Variants in LACC1 observed in about 807,000 individuals in gnomAD.
LACC1 encodes the protein laccase domain multifunctional purine nucleosidase 1.
Under a neutral mutation model 34.8 loss-of-function variants are expected in LACC1, and 25 were observed. That is an observed-to-expected ratio of 0.72 (90% CI 0.52 to 1.00). The LOEUF (loss-of-function observed/expected upper bound fraction) is 1.00, where lower values mean the gene tolerates loss of function less well. Ranked by LOEUF, LACC1 falls within the 50% of genes least tolerant of loss-of-function variation. The pLI is 0.00. For synonymous variants in LACC1, 162 were observed against 168.0 expected (o/e 0.96, Z 0.28); for missense variants, 426 against 511.2 (o/e 0.83, Z 1.61).
intron 4 of LACC1, among the ~76,000 whole-genome samples, chr13:43,886,531 T>G (rs1451133040): frequency 6.6e-6 from 1 of 152,152 alleles, no homozygotes; most frequent in African/African-American, 2.4e-5. Flanking sequence ...ATGTATCCTT[T>G]AAGTGGGAGC....
At chr13:43,890,080 C>T in intron 5 of LACC1, 34 bp from the exon 6 acceptor site, 1 of 1,570,786 alleles carries the variant, frequency 6.4e-7, no homozygotes, top group Non-Finnish European at 8.6e-7. Context: ...GGAAAATAAA[C>T]TCTTGCTCTC....
chr13:43,889,754 A>T (rs1183711356), intron 5 of LACC1, among the ~76,000 whole-genome samples: 1 of 152,234 alleles, frequency 6.6e-6, no homozygotes, highest in African/African-American at 2.4e-5. Flanking sequence ...GGGCCAGATG[A>T]CTAAAAAGCA....
chr13:43,889,359 T>C (rs1955469439), intron 5 of LACC1, among the ~76,000 whole-genome samples: 1 of 152,210 alleles, frequency 6.6e-6, no homozygotes, highest in East Asian at 1.9e-4. Context: ...AAATTATTCT[T>C]ATTATCTAAT....
intron 2 of LACC1, 129 bp downstream of exon 2, chr13:43,881,676 G>A: frequency 1.4e-6 from 1 of 699,090 alleles, no homozygotes; most frequent in African/African-American, 1.8e-5. Context: ...ATTAGCATCA[G>A]TGGCAACACA....
At chr13:43,880,864 ATTAC>A (rs1373819098) in intron 1 of LACC1, 84 bp from the exon 2 acceptor site, 9 of 836,232 alleles carry the variant, frequency 1.1e-5, no homozygotes, top group Non-Finnish European at 1.5e-5. Flanking sequence ...AATCAGTGTA[ATTAC>A]TTCGTTTTTA....
intron 6 of LACC1, among the ~76,000 whole-genome samples, chr13:43,890,551 G>A (rs1213166487): frequency 6.6e-6 from 1 of 152,070 alleles, no homozygotes; most frequent in African/African-American, 2.4e-5. Context: ...TAATTAGGCA[G>A]GCTTATGTTA....
rs372075969 is a variant in LACC1 at position 43,881,072 on chromosome 13, T to A, written c.87T>A (p.Asn29Lys). 8 of 1,614,084 alleles carry A rather than the reference T, an allele frequency of 5.0e-6. No homozygotes were observed. In the African/African-American group the frequency reaches 9.3e-5, roughly 19 times the overall value. Residue 29 changes from asparagine (N) to lysine (K), a missense_variant, in exon 2 of 7, where the codon AAT (asparagine) becomes AAA (lysine). By Grantham distance (94) the Asn-to-Lys change is moderately conservative. Around this residue, in one of 2 missense-constraint regions of LACC1, gnomAD observed 217 missense variants for 210.9 expected, o/e 1.03. Transcript: ENST00000325686. ...NCHQTLLKTL[N>K]AVQYHHAAKA... Reference sequence around the variant, plus strand: ...ATCAGACATTACTGAAGACTTTGAATGCTGTCCAATACCACCATGCTGCCA... The same window carrying A: ...ATCAGACATTACTGAAGACTTTGAAAGCTGTCCAATACCACCATGCTGCCA...
At chr13:43,889,146 G>C (rs1423558643) in intron 5 of LACC1, among the ~76,000 whole-genome samples, 164 bp downstream of exon 5, 2 of 152,128 alleles carry the variant, frequency 1.3e-5, no homozygotes, top group African/African-American at 4.8e-5. Context: ...TATGAAATCT[G>C]TTTTCATTTG....
intron 3 of LACC1, 84 bp from the exon 4 acceptor site, chr13:43,883,687 T>C: frequency 1.0e-6 from 1 of 994,384 alleles, no homozygotes; most frequent in Non-Finnish European, 1.4e-6. Flanking sequence ...TATAATTTTA[T>C]ACTACAATGA....
At chr13:43,885,999 A>C (rs1315224229) in intron 4 of LACC1, among the ~76,000 whole-genome samples, 1 of 152,228 alleles carries the variant, frequency 6.6e-6, no homozygotes, top group Non-Finnish European at 1.5e-5. Flanking sequence ...AAGCATATGA[A>C]AAAACGCTTG....
At chr13:43,880,521 C>G (rs755263609) in intron 1 of LACC1, among the ~76,000 whole-genome samples, 1 of 152,186 alleles carries the variant, frequency 6.6e-6, no homozygotes, top group East Asian at 1.9e-4. Context: ...GCGAATTTCG[C>G]GTGCAGCTCC....
At chr13:43,885,418 A>G (rs1320237509) in intron 4 of LACC1, among the ~76,000 whole-genome samples, 1 of 152,188 alleles carries the variant, frequency 6.6e-6, no homozygotes, top group Non-Finnish European at 1.5e-5. Context: ...CACATAGGCC[A>G]ATAGAACAGG....
intron 4 of LACC1, among the ~76,000 whole-genome samples, chr13:43,885,881 ACT>A (rs1955296946): frequency 6.6e-6 from 1 of 152,214 alleles, no homozygotes; most frequent in Non-Finnish European, 1.5e-5. Context: ...TAACACCGAG[ACT>A]CTATAAGGAA....
intron 1 of LACC1, among the ~76,000 whole-genome samples, chr13:43,880,605 GAT>G (rs1954963991): frequency 6.6e-6 from 1 of 152,218 alleles, no homozygotes; most frequent in Admixed American, 6.5e-5. Flanking sequence ...CAGGACTAAT[GAT>G]ATATCACACA....
Position 43,890,165 on chromosome 13 carries a change from C to T in LACC1, c.1185C>T (p.Asn395=). Residue 395 remains asparagine (N), a synonymous_variant, in exon 6 of 7, where the codon AAC becomes AAT. Transcript: ENST00000325686. The part of the protein sequence containing the change: ...GILPQNIQDQ[N]QDLNLCTSCH... ...TTCCACAGAATATTCAGGACCAGAACCAAGATCTCAACCTCTGTACATCTT... is the reference window on the plus strand; with the variant it reads ...TTCCACAGAATATTCAGGACCAGAATCAAGATCTCAACCTCTGTACATCTT... The T allele has an allele frequency of 1.2e-6, 2 of 1,613,494 alleles. No individual in the cohort carries two copies. Among genetic ancestry groups the T allele is most frequent in the Non-Finnish European group, 1.7e-6 (2 of 1,179,624 alleles).
chr13:43,881,159 A>C lies in LACC1; in HGVS notation c.174A>C (p.Gln58His), dbSNP rs1471505135. 2 of 1,614,214 alleles carry C rather than the reference A, an allele frequency of 1.2e-6. No individual in the cohort carries two copies. Among genetic ancestry groups the C allele is most frequent in the Non-Finnish European group, 8.5e-7 (1 of 1,180,024 alleles). Reference sequence around the variant, plus strand: ...TCAGCTATGAAAGGGATGGAGAACAAGATAATTGTGAAATAGAAACAAGCA... The same window carrying C: ...TCAGCTATGAAAGGGATGGAGAACACGATAATTGTGAAATAGAAACAAGCA... The part of the protein sequence containing the change: ...SNISYERDGE[Q>H]DNCEIETSNG... The change falls in exon 2 of 7, where the codon CAA becomes CAC. Residue 58 changes from glutamine to histidine, a missense_variant. Transcript: ENST00000325686.
chr13:43,884,820 A>G (rs1362012973), intron 4 of LACC1, among the ~76,000 whole-genome samples: 5 of 152,212 alleles, frequency 3.3e-5, no homozygotes, highest in African/African-American at 1.2e-4. Flanking sequence ...TTGAATGAGT[A>G]GAAGTCAGGT....
intron 4 of LACC1, among the ~76,000 whole-genome samples, chr13:43,886,102 A>G (rs1955309000): frequency 6.6e-6 from 1 of 152,178 alleles, no homozygotes; most frequent in African/African-American, 2.4e-5. Flanking sequence ...AAGTCAAAAA[A>G]CAACAGATGT....
In LACC1 at chr13:43,882,289, G is replaced by A. The variant is rs994226104; in HGVS notation, c.667G>A (p.Val223Ile). ...FSSSKRRDPK[V>I]VVQENLRRLA... ...TAGTTCCAAACGGAGAGATCCCAAG[G>A]TAGTGGTTCAAGAAAATCTGCGTAG... The change falls in exon 3 of 7, where the codon GTA (valine) becomes ATA (isoleucine). Residue 223 changes from valine to isoleucine, a missense_variant. Physicochemically the swap from Val to Ile is conservative, Grantham distance 29. Around this residue, in one of 2 missense-constraint regions of LACC1, gnomAD observed 209 missense variants for 300.3 expected, o/e 0.70. Coordinates refer to ENST00000325686, the MANE Select transcript of LACC1 (RefSeq NM_153218.4). The A allele has an allele frequency of 3.7e-6, 6 of 1,613,946 alleles. No homozygotes were observed. Among genetic ancestry groups the A allele is most frequent in the Non-Finnish European group, 5.1e-6 (6 of 1,179,938 alleles).
Sources: allele counts gnomAD v4.1 joint callset (sites outside exome capture counted in the v4.1 genomes callset), GRCh38; gene constraint gnomAD v4.1.1; regional missense constraint gnomAD v4.1.1; transcripts MANE v1.5; gene names NCBI Gene and HGNC (gene_info 2026-07-23, HGNC 2026-07-21).